The following NELL1 variants were observed in gnomAD, a reference collection of about 807,000 sequenced individuals.
NELL1 encodes the protein protein kinase C-binding protein NELL1.
A neutral mutation model predicts 107.4 loss-of-function variants in NELL1; 76 were observed. The ratio of observed to expected loss-of-function variants is 0.71; its 90% CI spans 0.59 to 0.86. The LOEUF (loss-of-function observed/expected upper bound fraction) is 0.86, where lower values mean the gene tolerates loss of function less well. Among genes scored for constraint, NELL1 ranks in the 40% least tolerant of loss-of-function variants. The pLI is 0.00. For missense variants in NELL1, 1,024 were observed against 1,005.5 expected (o/e 1.02, Z -0.25); for synonymous variants, 353 against 341.2 (o/e 1.03, Z -0.38).
chr11:21,438,423 C>T (rs903134211), intron 15 of NELL1, among the ~76,000 whole-genome samples: 18 of 151,992 alleles, frequency 1.2e-4, no homozygotes, highest in East Asian at 5.8e-4. Flanking sequence ...ACAGTTTGAC[C>T]GAACTGTGAC....
chr11:21,439,721 T>G (rs1279000193), intron 15 of NELL1, among the ~76,000 whole-genome samples: 1 of 152,124 alleles, frequency 6.6e-6, no homozygotes, highest in African/African-American at 2.4e-5. Context: ...AGTTTAGGGT[T>G]TTAGATGTTG....
chr11:21,193,456 G>A (rs892118371), intron 13 of NELL1, among the ~76,000 whole-genome samples: 18 of 151,740 alleles, frequency 1.2e-4, no homozygotes, highest in African/African-American at 3.6e-4. Flanking sequence ...TTTGTCACTG[G>A]CATCTTGAAA....
At chr11:21,308,009 A>G (rs1038511253) in intron 14 of NELL1, among the ~76,000 whole-genome samples, 3 of 152,018 alleles carry the variant, frequency 2.0e-5, no homozygotes, top group African/African-American at 7.2e-5. Context: ...GCTAAGTATG[A>G]TTACTTACAT....
At chr11:20,692,204 T>C (rs371276559) in intron 2 of NELL1, among the ~76,000 whole-genome samples, 1 of 152,148 alleles carries the variant, frequency 6.6e-6, no homozygotes. Context: ...GCTAGCAGTT[T>C]ATGAATTTTG....
At position 20,938,934 on chromosome 11, in the gene NELL1, CTCTCTCTGTG is replaced by C. The variant is rs1317308902; in HGVS notation, c.1071+1077_1071+1086del. Among the ~76,000 whole-genome samples, 402 of 42,492 alleles carry C rather than the reference CTCTCTCTGTG, an allele frequency of 9.5e-3. 1 individual carries two copies. The highest frequency in any genetic ancestry group is 0.025 in the East Asian group (27 of 1,064). 27.9% of individuals were successfully genotyped at this position (42,492 alleles called of 152,430 possible). A position where few individuals can be genotyped will look rare whatever the true frequency, so the allele number is the denominator to read the frequency against. On this transcript the variant is annotated intron_variant, in intron 10 of 19. Coordinates refer to ENST00000357134, the MANE Select transcript of NELL1 (RefSeq NM_006157.5). ...TCTCTCTCTCTCTCTCTCTCTCTCT[CTCTCTCTGTG>C]TGTGTGTGTGTGTGTGTGTGCATGC...
intron 3 of NELL1, among the ~76,000 whole-genome samples, chr11:20,828,436 G>A (rs1187942921): frequency 2.0e-5 from 3 of 152,068 alleles, no homozygotes; most frequent in African/African-American, 4.8e-5. Flanking sequence ...GTTAATAATT[G>A]AAAAAACTCT....
At chr11:21,349,514 A>G (rs1308982236) in intron 14 of NELL1, among the ~76,000 whole-genome samples, 1 of 152,280 alleles carries the variant, frequency 6.6e-6, no homozygotes, top group East Asian at 1.9e-4. Flanking sequence ...TTAATTTTAA[A>G]TCTACAATGC....
At chr11:21,556,669 G>C (rs572326648) in intron 16 of NELL1, among the ~76,000 whole-genome samples, 105 of 151,998 alleles carry the variant, frequency 6.9e-4, no homozygotes, top group African/African-American at 2.1e-3. Context: ...GCAAAACTGA[G>C]TACAATAATA....
chr11:21,002,715 GC>G (rs1290132720), intron 12 of NELL1, among the ~76,000 whole-genome samples: 1 of 152,134 alleles, frequency 6.6e-6, no homozygotes, highest in African/African-American at 2.4e-5. Context: ...GTGGATCTAA[GC>G]CAGTGGAAAA....
chr11:21,156,680 T>A lies in NELL1; in HGVS notation c.1426+42966T>A, dbSNP rs117045668. Among the ~76,000 whole-genome samples the A allele has an allele frequency of 8.7e-3, 1,326 of 152,236 alleles. 8 individuals are homozygous for A. Among genetic ancestry groups the A allele is most frequent in the Non-Finnish European group, 0.013 (885 of 67,998 alleles). ...AGCAGAAAGAAGGTGAAGATTGTTA[T>A]TTTTGTCGAGGTCAAAACTTTGAAA... On this transcript the variant is annotated intron_variant, in intron 13 of 19. Coordinates refer to ENST00000357134, the MANE Select transcript of NELL1 (RefSeq NM_006157.5).
At chr11:20,783,394 T>C (rs1856889405) in intron 2 of NELL1, among the ~76,000 whole-genome samples, 1 of 152,152 alleles carries the variant, frequency 6.6e-6, no homozygotes, top group Non-Finnish European at 1.5e-5. Flanking sequence ...TGGGAACTTG[T>C]CAAAGTGACA....
At chr11:21,438,386 G>A (rs768839408) in intron 15 of NELL1, among the ~76,000 whole-genome samples, 5 of 151,950 alleles carry the variant, frequency 3.3e-5, no homozygotes, top group Admixed American at 6.6e-5. Flanking sequence ...GATGGCCTTC[G>A]TTGCTACTTT....
chr11:21,256,691 C>T (rs1443902922), intron 14 of NELL1, among the ~76,000 whole-genome samples: 1 of 152,014 alleles, frequency 6.6e-6, no homozygotes, highest in African/African-American at 2.4e-5. Context: ...GTCTGTCTTT[C>T]AAAGTTCTTG....
In NELL1 at chr11:21,513,528, G is replaced by A. The variant is rs181225657; in HGVS notation, c.1646-20846G>A. ...ATTAAAGTATATATATTTACATACAGATGGAAAAGGAGGAACTGCAAAATA... is the reference window on the plus strand; with the variant it reads ...ATTAAAGTATATATATTTACATACAAATGGAAAAGGAGGAACTGCAAAATA... On this transcript the variant is annotated intron_variant, in intron 15 of 19. Transcript: ENST00000357134. Among the ~76,000 whole-genome samples, 97 of 152,256 alleles carry A rather than the reference G, an allele frequency of 6.4e-4. 1 individual carries two copies. The highest frequency in any genetic ancestry group is 2.3e-3 in the African/African-American group (94 of 41,548).
At position 20,885,431 on chromosome 11, in the gene NELL1, T is replaced by A; in HGVS notation, c.507-13T>A. 2 of 1,556,440 alleles carry A rather than the reference T, an allele frequency of 1.3e-6. No individual in the cohort carries two copies. The highest frequency in any genetic ancestry group is 1.8e-6 in the Non-Finnish European group (2 of 1,127,562). ...AGCCTCTCTATTAGTAACTGTGTTC[T>A]TTGCCTTTACAGGATTTATGAGCGT... On this transcript the variant is annotated splice_polypyrimidine_tract_variant and intron_variant, in intron 4 of 19. Transcript: ENST00000357134.
At chr11:21,234,827 G>GT (rs1252957480) in intron 14 of NELL1, among the ~76,000 whole-genome samples, 1 of 152,152 alleles carries the variant, frequency 6.6e-6, no homozygotes, top group Non-Finnish European at 1.5e-5. Flanking sequence ...TGCTAAAGAT[G>GT]TAAACAATCC....
intron 14 of NELL1, among the ~76,000 whole-genome samples, chr11:21,335,652 C>T (rs1271987142): frequency 6.6e-6 from 1 of 152,056 alleles, no homozygotes; most frequent in African/African-American, 2.4e-5. Context: ...TACCTGAAGA[C>T]AGTCAAATAA....
intron 15 of NELL1, among the ~76,000 whole-genome samples, chr11:21,407,614 G>A (rs755754664): frequency 3.3e-4 from 50 of 149,678 alleles, no homozygotes; most frequent in Non-Finnish European, 5.5e-4. Context: ...ATTATTCAAT[G>A]TCTCTCTATT....
In NELL1 at chr11:21,497,265, C is replaced by A. The variant is rs533725257; in HGVS notation, c.1646-37109C>A. ...GGCACATGTATACATATGTAACAAA[C>A]CTGCACGTTGTGCACATGTACCCTA... On this transcript the variant is annotated intron_variant, in intron 15 of 19. Transcript: ENST00000357134. Among the ~76,000 whole-genome samples, 5 of 152,068 alleles carry A rather than the reference C, an allele frequency of 3.3e-5. No homozygotes were observed. The East Asian group carries it at 7.7e-4, about 24-fold the overall frequency.
Sources: allele counts gnomAD v4.1 joint callset (sites outside exome capture counted in the v4.1 genomes callset), GRCh38; gene constraint gnomAD v4.1.1; transcripts MANE v1.5; gene names NCBI Gene and HGNC (gene_info 2026-07-23, HGNC 2026-07-21).